The following KATNIP variants were observed in gnomAD, a reference collection of about 807,000 sequenced individuals.
The protein encoded by KATNIP is katanin-interacting protein.
In KATNIP, 126 loss-of-function variants were observed where a neutral mutation model predicts 174.0. The ratio of observed to expected loss-of-function variants is 0.72; its 90% CI spans 0.63 to 0.84. KATNIP has a LOEUF of 0.84. KATNIP is among the 40% of genes least tolerant of loss of function. The pLI, the probability that KATNIP is intolerant of heterozygous loss-of-function variation, is 0.00. For missense variants in KATNIP, 1,958 were observed against 2,109.7 expected (o/e 0.93, Z 1.41); for synonymous variants, 810 against 835.7 (o/e 0.97, Z 0.53).
chr16:27,558,756 G>A (rs2089731743), intron 1 of KATNIP, among the ~76,000 whole-genome samples: 2 of 152,228 alleles, frequency 1.3e-5, no homozygotes, highest in African/African-American at 2.4e-5. Flanking sequence ...ATCTGGGCCT[G>A]TACAGGAAAC....
chr16:27,611,589 C>T (rs189485182), intron 2 of KATNIP, among the ~76,000 whole-genome samples: 12 of 152,272 alleles, frequency 7.9e-5, no homozygotes, highest in Non-Finnish European at 2.9e-5. Context: ...GGTCTGCCCT[C>T]CAGGAATTTA....
At chr16:27,616,377 A>G (rs1439350382) in intron 2 of KATNIP, among the ~76,000 whole-genome samples, 1 of 152,052 alleles carries the variant, frequency 6.6e-6, no homozygotes, top group African/African-American at 2.4e-5. Context: ...AAAAAAAGAA[A>G]AAGAAAAAGC....
chr16:27,645,376 C>T (rs2076929153), intron 5 of KATNIP, among the ~76,000 whole-genome samples: 1 of 152,166 alleles, frequency 6.6e-6, no homozygotes, highest in South Asian at 2.1e-4. Flanking sequence ...TGCTCAAGGT[C>T]ACACAAGGAG....
rs374397745 is a variant in KATNIP at position 27,704,001 on chromosome 16, G to A, written c.1389+3G>A. On this transcript the variant is annotated splice_donor_region_variant and intron_variant, in intron 12 of 27. Coordinates refer to ENST00000261588, the MANE Select transcript of KATNIP (RefSeq NM_015202.5). ...AGGAGCAAGTATCAGACACAGAGGT[G>A]AGAGCCTTGACTTGATTTTCAGTTG... 1.2e-5 allele frequency: 19 copies of A among 1,611,478 alleles called. No homozygotes were observed. Among genetic ancestry groups the A allele is most frequent in the Non-Finnish European group, 1.4e-5 (16 of 1,177,710 alleles).
chr16:27,635,349 G>A (rs2076601379), intron 5 of KATNIP, among the ~76,000 whole-genome samples: 1 of 152,062 alleles, frequency 6.6e-6, no homozygotes, highest in Non-Finnish European at 1.5e-5. Context: ...TGGCTTTCTG[G>A]CCTCTACCCC....
rs538406521 is a variant in KATNIP at position 27,593,518 on chromosome 16, G to A, written c.63+19562G>A. On this transcript the variant is annotated intron_variant, in intron 2 of 27. Transcript: ENST00000261588. ...CTCGCAAAGTGCTGGGATTACAGGC[G>A]TGAGCCACCGTGTCCGTCCTAAACT... Among the ~76,000 whole-genome samples, 10 of 152,074 alleles carry A rather than the reference G, an allele frequency of 6.6e-5. No individual in the cohort carries two copies. The South Asian group carries it at 1.0e-3, about 16-fold the overall frequency.
chr16:27,677,725 G>T lies in KATNIP; in HGVS notation c.541-4G>T. On this transcript the variant is annotated splice_polypyrimidine_tract_variant and splice_region_variant and intron_variant, in intron 6 of 27. Transcript: ENST00000261588. ...CTCTCATCTCTCTTCTGGGCTTTTT[G>T]CAGGAGCTGAGAAGAAGCCTGGAAC... The T allele has an allele frequency of 6.3e-7, 1 of 1,597,544 alleles. No individual in the cohort carries two copies. Among genetic ancestry groups the T allele is most frequent in the South Asian group, 1.1e-5 (1 of 90,184 alleles).
chr16:27,573,872 A>T, intron 1 of KATNIP, 29 bp from the exon 2 acceptor site: 1 of 1,613,162 alleles, frequency 6.2e-7, no homozygotes, highest in Non-Finnish European at 8.5e-7. Flanking sequence ...AACAGCCTTA[A>T]TCTTGGTTCT....
chr16:27,671,169 G>A (rs2077888022), intron 6 of KATNIP, among the ~76,000 whole-genome samples: 1 of 152,046 alleles, frequency 6.6e-6, no homozygotes, highest in Admixed American at 6.6e-5. Flanking sequence ...CTCCAGCCTG[G>A]GCGACAGAGC....
intron 1 of KATNIP, among the ~76,000 whole-genome samples, chr16:27,561,988 A>G (rs2089903464): frequency 6.6e-6 from 1 of 152,224 alleles, no homozygotes; most frequent in South Asian, 2.1e-4. Flanking sequence ...TGCATACCCA[A>G]GAATATTCTT....
At position 27,709,325 on chromosome 16, in the gene KATNIP, A is replaced by AC. The variant is rs2143001179; in HGVS notation, c.1605+405_1605+406insC. ...AACAGAGTAAGACCCTGTCTCTAAA[A>AC]AAAAAAAAAAAATAGGCCGGGTATG... is the stretch of plus-strand genomic sequence containing the variant. On this transcript the variant is annotated intron_variant, in intron 13 of 27. Transcript: ENST00000261588. Among the ~76,000 whole-genome samples the AC allele has an allele frequency of 2.6e-5, 4 of 151,382 alleles. 1 individual carries two copies. The highest frequency in any genetic ancestry group is 9.7e-5 in the African/African-American group (4 of 41,232).
intron 6 of KATNIP, among the ~76,000 whole-genome samples, chr16:27,651,153 C>G (rs2077109283): frequency 6.6e-6 from 1 of 152,210 alleles, no homozygotes; most frequent in South Asian, 2.1e-4. Flanking sequence ...TCTCAAGCTC[C>G]CTACAACACG....
chr16:27,619,826 G>T (rs1037282470), intron 3 of KATNIP, among the ~76,000 whole-genome samples: 8 of 152,188 alleles, frequency 5.3e-5, no homozygotes, highest in African/African-American at 1.9e-4. Flanking sequence ...GTGCCCAGCA[G>T]CTCTGTGCTC....
intron 2 of KATNIP, among the ~76,000 whole-genome samples, chr16:27,575,847 G>A (rs1468641934): frequency 6.6e-6 from 1 of 152,146 alleles, no homozygotes; most frequent in African/African-American, 2.4e-5. Flanking sequence ...TCTAAGTGTC[G>A]CCCAAGTGGG....
chr16:27,677,380 G>A (rs2078157867), intron 6 of KATNIP, among the ~76,000 whole-genome samples: 1 of 151,966 alleles, frequency 6.6e-6, no homozygotes, highest in Non-Finnish European at 1.5e-5. Context: ...TCAGTGGGTG[G>A]GACTCCACAA....
At chr16:27,687,816 A>ATT (rs1217405774) in intron 8 of KATNIP, among the ~76,000 whole-genome samples, 1 of 152,214 alleles carries the variant, frequency 6.6e-6, no homozygotes, top group Non-Finnish European at 1.5e-5. Context: ...AATTAGAGGA[A>ATT]TTTGACAGCC....
intron 1 of KATNIP, among the ~76,000 whole-genome samples, chr16:27,568,323 C>T (rs891124111): frequency 2.6e-5 from 4 of 152,282 alleles, no homozygotes; most frequent in African/African-American, 9.6e-5. Flanking sequence ...CAGCAAATAC[C>T]TTGAGCATAT....
Position 27,648,615 on chromosome 16 carries a change from G to C in KATNIP, c.420G>C (p.Gln140His). Residue 140 changes from glutamine (Q) to histidine (H), a missense_variant, in exon 6 of 28, where the codon CAG becomes CAC. Gln to His is a conservative substitution (Grantham distance 24). Coordinates refer to ENST00000261588, the MANE Select transcript of KATNIP (RefSeq NM_015202.5). Reference protein sequence around the residue: ...QRRGWHQKSVQIRTEAGPRLH... With the variant: ...QRRGWHQKSVHIRTEAGPRLH... ...GCATTTTTGTACAGAAATCTGTGCAGATCAGAACAGAAGCTGGCCCACGGC... is the reference window on the plus strand; with the variant it reads ...GCATTTTTGTACAGAAATCTGTGCACATCAGAACAGAAGCTGGCCCACGGC... 6.2e-7 allele frequency: 1 copy of C among 1,614,196 alleles called. No individual in the cohort carries two copies. Among genetic ancestry groups the C allele is most frequent in the Non-Finnish European group, 8.5e-7 (1 of 1,180,040 alleles).
chr16:27,696,682 G>A (rs2078923072), intron 8 of KATNIP, among the ~76,000 whole-genome samples: 1 of 151,602 alleles, frequency 6.6e-6, no homozygotes. Flanking sequence ...TCTTTTTTAT[G>A]GCTGTATAGT....
Sources: allele counts gnomAD v4.1 joint callset (sites outside exome capture counted in the v4.1 genomes callset), GRCh38; gene constraint gnomAD v4.1.1; transcripts MANE v1.5; gene names NCBI Gene and HGNC (gene_info 2026-07-23, HGNC 2026-07-21).